GPR158: variants seen among roughly 807,000 people sequenced by gnomAD.
GPR158 encodes metabotropic glycine receptor.
A neutral mutation model predicts 78.2 loss-of-function variants in GPR158; 30 were observed. The observed-to-expected ratio is 0.38, with a 90% confidence interval of 0.29 to 0.52. The LOEUF is 0.52. Among genes scored for constraint, GPR158 ranks in the 20% least tolerant of loss-of-function variants. GPR158 has a pLI of 0.83. For missense variants in GPR158, 1,463 were observed against 1,523.5 expected, an observed-to-expected ratio of 0.96 and a Z score of 0.66; for synonymous variants, 581 against 591.1, an observed-to-expected ratio of 0.98 and a Z score of 0.25.
intron 2 of GPR158, among the ~76,000 whole-genome samples, chr10:25,350,156 C>T (rs1456391390): frequency 6.6e-6 from 1 of 151,808 alleles, no homozygotes; most frequent in African/African-American, 2.4e-5. Flanking sequence ...AATAGATCAT[C>T]TTAATTGGGT....
At chr10:25,468,463 G>T (rs1038502557) in intron 5 of GPR158, among the ~76,000 whole-genome samples, 17 of 152,120 alleles carry the variant, frequency 1.1e-4, no homozygotes, top group Non-Finnish European at 2.5e-4. Flanking sequence ...TGTGAGGAAG[G>T]TTAAATGCTT....
At chr10:25,208,795 G>C (rs1204720374) in intron 1 of GPR158, among the ~76,000 whole-genome samples, 1 of 151,748 alleles carries the variant, frequency 6.6e-6, no homozygotes, top group African/African-American at 2.4e-5. Context: ...GGGATTACTT[G>C]GAGACTGTAC....
intron 7 of GPR158, among the ~76,000 whole-genome samples, chr10:25,584,061 A>G (rs1302245768): frequency 6.6e-6 from 1 of 152,216 alleles, no homozygotes; most frequent in Non-Finnish European, 1.5e-5. Flanking sequence ...TTCAAAGGCT[A>G]TGGTAGTTAA....
chr10:25,252,962 C>T (rs1323485500), intron 2 of GPR158, among the ~76,000 whole-genome samples: 12 of 151,644 alleles, frequency 7.9e-5, no homozygotes, highest in African/African-American at 2.7e-4. Flanking sequence ...TAGCAATCAG[C>T]GAGATTCCGT....
At chr10:25,446,358 C>A (rs1835138607) in intron 4 of GPR158, among the ~76,000 whole-genome samples, 1 of 152,154 alleles carries the variant, frequency 6.6e-6, no homozygotes, top group Non-Finnish European at 1.5e-5. Flanking sequence ...GAACAGCCTT[C>A]ATGATATGTG....
chr10:25,262,216 T>C (rs1189357958), intron 2 of GPR158, among the ~76,000 whole-genome samples: 1 of 152,116 alleles, frequency 6.6e-6, no homozygotes, highest in East Asian at 1.9e-4. Flanking sequence ...CTTGACTTAG[T>C]GGGGAGAGTG....
At chr10:25,343,124 A>G (rs1451164383) in intron 2 of GPR158, among the ~76,000 whole-genome samples, 3 of 152,008 alleles carry the variant, frequency 2.0e-5, no homozygotes, top group African/African-American at 2.4e-5. Flanking sequence ...GATGTCTTAT[A>G]GCCCCTTTTA....
At chr10:25,179,014 A>T (rs879304099) in intron 1 of GPR158, among the ~76,000 whole-genome samples, 1 of 152,216 alleles carries the variant, frequency 6.6e-6, no homozygotes. Context: ...ATCATTACTT[A>T]TGACAACCAA....
intron 7 of GPR158, among the ~76,000 whole-genome samples, chr10:25,575,707 G>A (rs554322131): frequency 7.2e-5 from 11 of 151,924 alleles, no homozygotes; most frequent in African/African-American, 2.4e-4. Context: ...TCAAACACTA[G>A]AACATTGTTT....
At chr10:25,419,054 A>T (rs1834708990) in intron 4 of GPR158, among the ~76,000 whole-genome samples, 1 of 152,094 alleles carries the variant, frequency 6.6e-6, no homozygotes, top group South Asian at 2.1e-4. Flanking sequence ...AAATAAAGTT[A>T]GGTATGTCAT....
intron 5 of GPR158, among the ~76,000 whole-genome samples, chr10:25,535,579 T>A (rs1836488186): frequency 6.6e-6 from 1 of 152,174 alleles, no homozygotes; most frequent in South Asian, 2.1e-4. Context: ...TGAGTAACCC[T>A]AAGGCTGGCA....
chr10:25,441,047 A>G (rs1239863156), intron 4 of GPR158, among the ~76,000 whole-genome samples: 2 of 152,250 alleles, frequency 1.3e-5, no homozygotes, highest in Non-Finnish European at 2.9e-5. Flanking sequence ...AGTTTAAAAC[A>G]TAAAAAAGGC....
intron 5 of GPR158, among the ~76,000 whole-genome samples, chr10:25,550,288 G>T (rs956925046): frequency 1.3e-5 from 2 of 152,112 alleles, no homozygotes; most frequent in African/African-American, 4.8e-5. Context: ...CTAGCACAGT[G>T]CCTGGCTCAG....
intron 1 of GPR158, among the ~76,000 whole-genome samples, chr10:25,220,612 T>C (rs946757516): frequency 6.6e-6 from 1 of 152,148 alleles, no homozygotes; most frequent in African/African-American, 2.4e-5. Context: ...TCTGATACTG[T>C]CCTCCCTACT....
chr10:25,358,700 T>C (rs1855587123), intron 2 of GPR158, among the ~76,000 whole-genome samples: 1 of 152,120 alleles, frequency 6.6e-6, no homozygotes. Flanking sequence ...GTCTCAGGTA[T>C]GTCTTTATCA....
intron 5 of GPR158, among the ~76,000 whole-genome samples, chr10:25,511,290 T>C (rs1444511571): frequency 6.6e-6 from 1 of 152,228 alleles, no homozygotes; most frequent in Non-Finnish European, 1.5e-5. Context: ...ATTTCCCTGA[T>C]CATTAGTGAT....
At chr10:25,534,563 C>T (rs1257220666) in intron 5 of GPR158, among the ~76,000 whole-genome samples, 2 of 145,774 alleles carry the variant, frequency 1.4e-5, no homozygotes, top group Non-Finnish European at 3.0e-5. Context: ...TAACATGGTA[C>T]AACCCCGTCT....
intron 4 of GPR158, among the ~76,000 whole-genome samples, chr10:25,419,871 C>A (rs1385712190): frequency 6.6e-6 from 1 of 152,122 alleles, no homozygotes. Flanking sequence ...TTATGGTTCA[C>A]TCTTGATGTT....
chr10:25,517,281 T>G (rs1836191361), intron 5 of GPR158, among the ~76,000 whole-genome samples: 1 of 151,504 alleles, frequency 6.6e-6, no homozygotes, highest in African/African-American at 2.4e-5. Context: ...GCTGAGACAA[T>G]GGGGTTTTCT....
Sources: gnomAD v4.1 joint callset for allele counts (sites outside exome capture counted in the v4.1 genomes callset) on GRCh38, gnomAD v4.1.1 for gene constraint, MANE v1.5 for transcripts, NCBI Gene and HGNC (gene_info 2026-07-23, HGNC 2026-07-21) for gene names.